DMXL2: variants seen among roughly 807,000 people sequenced by gnomAD.
DMXL2 encodes the protein dmX-like protein 2.
In DMXL2, 103 loss-of-function variants were observed where a neutral mutation model predicts 331.1. The ratio of observed to expected loss-of-function variants is 0.31; its 90% CI spans 0.27 to 0.37. DMXL2 has a LOEUF of 0.37. DMXL2 is among the 10% of genes least tolerant of loss of function. The pLI is 1.00. For missense variants in DMXL2, 3,171 were observed against 3,642.9 expected, an observed-to-expected ratio of 0.87 and a Z score of 3.33; for synonymous variants, 1,281 against 1,252.1, an observed-to-expected ratio of 1.02 and a Z score of -0.49.
chr15:51,604,260 A>C (rs1331542688), intron 1 of DMXL2, among the ~76,000 whole-genome samples: 7 of 135,850 alleles, frequency 5.2e-5, no homozygotes. Flanking sequence ...TCTCAGCCTT[A>C]TAAAGGGCAT....
chr15:51,569,377 G>A (rs181862110), intron 2 of DMXL2, among the ~76,000 whole-genome samples: 184 of 152,288 alleles, frequency 1.2e-3, no homozygotes, highest in African/African-American at 4.3e-3. Flanking sequence ...AGCACGTGGG[G>A]GAAGGGGCGG....
chr15:51,596,853 T>G (rs369843092), intron 1 of DMXL2, among the ~76,000 whole-genome samples: 1 of 151,994 alleles, frequency 6.6e-6, no homozygotes, highest in Non-Finnish European at 1.5e-5. Flanking sequence ...TTCTCACTCA[T>G]AGGTGGGAAC....
chr15:51,548,534 T>G (rs2049019119), intron 6 of DMXL2, among the ~76,000 whole-genome samples: 1 of 152,054 alleles, frequency 6.6e-6, no homozygotes, highest in African/African-American at 2.4e-5. Flanking sequence ...ATAATCAAAT[T>G]TACAGCACAT....
At chr15:51,591,747 C>A (rs2052359841) in intron 1 of DMXL2, among the ~76,000 whole-genome samples, 1 of 151,928 alleles carries the variant, frequency 6.6e-6, no homozygotes, top group Non-Finnish European at 1.5e-5. Context: ...GAGGAACGAT[C>A]CGCTGTTCAC....
chr15:51,450,008 G>A, intron 43 of DMXL2, 121 bp downstream of exon 43: 2 of 846,428 alleles, frequency 2.4e-6, no homozygotes, highest in South Asian at 3.5e-5. Flanking sequence ...GAGATATGCA[G>A]TATCTCCATG....
chr15:51,601,722 C>A (rs1262559674), intron 1 of DMXL2, among the ~76,000 whole-genome samples: 10 of 152,120 alleles, frequency 6.6e-5, no homozygotes, highest in Non-Finnish European at 1.5e-5. Context: ...CTTATCTATT[C>A]TTGGCACTAT....
intron 13 of DMXL2, among the ~76,000 whole-genome samples, chr15:51,523,963 C>T (rs1218656596): frequency 6.6e-6 from 1 of 152,240 alleles, no homozygotes; most frequent in East Asian, 1.9e-4. Context: ...AACTCAACAA[C>T]ACCATCAATC....
intron 1 of DMXL2, among the ~76,000 whole-genome samples, chr15:51,588,557 A>C (rs2052038819): frequency 6.6e-6 from 1 of 152,210 alleles, no homozygotes; most frequent in Non-Finnish European, 1.5e-5. Flanking sequence ...TGTCATATAT[A>C]CCAACATAAA....
chr15:51,474,181 T>C (rs888730503), intron 28 of DMXL2, among the ~76,000 whole-genome samples, 163 bp downstream of exon 28: 3 of 152,252 alleles, frequency 2.0e-5, no homozygotes, highest in African/African-American at 7.2e-5. Flanking sequence ...ACAAACTATA[T>C]GTTTATTATA....
intron 3 of DMXL2, among the ~76,000 whole-genome samples, chr15:51,565,386 A>AAGCAGGCTTGAG (rs1193551453): frequency 6.6e-6 from 1 of 152,142 alleles, no homozygotes; most frequent in African/African-American, 2.4e-5. Context: ...TGCCATGCCC[A>AAGCAGGCTTGAG]AACAAAGCAG....
At chr15:51,607,184 C>T (rs974001119) in intron 1 of DMXL2, among the ~76,000 whole-genome samples, 9 of 148,854 alleles carry the variant, frequency 6.0e-5, no homozygotes, top group South Asian at 2.1e-4. Context: ...AGGCCGGGCG[C>T]GGTGGCTCAC....
chr15:51,522,234 C>T (rs2047418901), intron 13 of DMXL2, among the ~76,000 whole-genome samples: 1 of 152,208 alleles, frequency 6.6e-6, no homozygotes, highest in African/African-American at 2.4e-5. Flanking sequence ...TATTTATGAA[C>T]ATTAACTATT....
chr15:51,522,189 C>T (rs1328919521), intron 13 of DMXL2, among the ~76,000 whole-genome samples: 1 of 152,180 alleles, frequency 6.6e-6, no homozygotes, highest in African/African-American at 2.4e-5. Flanking sequence ...AAATAGCCTG[C>T]TAAACATAAA....
Position 51,471,242 on chromosome 15 carries a change from C to T in DMXL2, c.7373G>A (p.Trp2458Ter). The part of the protein sequence containing the change: ...EKFIPPELSM[W>*]DYFVAKPFLP... ...CCTTACCTTTGCAACAAAATAATCC[C>T]ACATACTAAGTTCGGGAGGAATAAA... The change falls in exon 29 of 44, where the codon TGG (tryptophan) becomes TAG (stop). Residue 2458 changes from tryptophan (W) to a stop codon, truncating the protein, a stop_gained. Coordinates refer to ENST00000560891, the MANE Select transcript of DMXL2 (RefSeq NM_001378457.1). LOFTEE classifies it high-confidence loss of function. 1 of 1,613,882 alleles carries T rather than the reference C, an allele frequency of 6.2e-7. No homozygotes were observed. The highest frequency in any genetic ancestry group is 8.5e-7 in the Non-Finnish European group (1 of 1,179,866).
intron 2 of DMXL2, among the ~76,000 whole-genome samples, chr15:51,569,425 C>T (rs2050511969): frequency 6.6e-6 from 1 of 152,170 alleles, no homozygotes; most frequent in South Asian, 2.1e-4. Context: ...ACGTCCCTGC[C>T]TGACAGCTCT....
In DMXL2 at chr15:51,459,686, C is replaced by T. The variant is rs777743360; in HGVS notation, c.7927-26G>A. 27 of 1,289,262 alleles carry T rather than the reference C, an allele frequency of 2.1e-5. No individual in the cohort carries two copies. In the Middle Eastern group the frequency reaches 8.5e-4, roughly 41 times the overall value. The allele number at this position is 1,289,262 out of a possible 1,614,324, so 79.9% of individuals were successfully genotyped here. On this transcript the variant is annotated intron_variant, in intron 33 of 43. Coordinates refer to ENST00000560891, the MANE Select transcript of DMXL2 (RefSeq NM_001378457.1). Reference sequence around the variant, plus strand: ...CTAAATACCACCACACCGTCACAAACACAAAACACATGCATGGAATGAAAT... The same window carrying T: ...CTAAATACCACCACACCGTCACAAATACAAAACACATGCATGGAATGAAAT...
At chr15:51,572,265 A>T (rs2050723313) in intron 2 of DMXL2, among the ~76,000 whole-genome samples, 1 of 123,024 alleles carries the variant, frequency 8.1e-6, no homozygotes, top group African/African-American at 2.7e-5. Context: ...TAGACCAATA[A>T]GAGGTTCTGA....
At chr15:51,472,560 G>A (rs906584426) in intron 28 of DMXL2, among the ~76,000 whole-genome samples, 2 of 152,110 alleles carry the variant, frequency 1.3e-5, no homozygotes, top group South Asian at 4.2e-4. Context: ...GGCAACCACA[G>A]TCTACTTTCT....
intron 6 of DMXL2, among the ~76,000 whole-genome samples, chr15:51,561,502 A>C (rs553857283): frequency 1.3e-5 from 2 of 148,394 alleles, no homozygotes; most frequent in East Asian, 4.0e-4. Context: ...CAGGCCAGGC[A>C]TGCAGGCCCT....
Sources: allele counts gnomAD v4.1 joint callset (sites outside exome capture counted in the v4.1 genomes callset), GRCh38; gene constraint gnomAD v4.1.1; transcripts MANE v1.5; gene names NCBI Gene and HGNC (gene_info 2026-07-23, HGNC 2026-07-21).